Variants in ZNF804B observed in about 807,000 individuals in gnomAD.
The protein encoded by ZNF804B is zinc finger 804B.
ZNF804B carries 80 observed loss-of-function variants against 101.4 expected under a neutral mutation model. That is an observed-to-expected ratio of 0.79 (90% confidence interval 0.66 to 0.95). ZNF804B has a LOEUF of 0.95. Ranked by LOEUF, ZNF804B falls within the 40% of genes least tolerant of loss-of-function variation. The pLI is 0.00. For synonymous variants in ZNF804B, 622 were observed against 558.8 expected, an observed-to-expected ratio of 1.11 and a Z score of -1.59; for missense variants, 1,673 against 1,561.9, an observed-to-expected ratio of 1.07 and a Z score of -1.20.
In ZNF804B at chr7:89,190,352, C is replaced by T. The variant is rs530143125; in HGVS notation, c.109-27803C>T. ...CTCCGTCTTAAAAAAAAAAAAAAAG[C>T]AAGAAAACTAGAATTAAAATAGGGG... On this transcript the variant is annotated intron_variant, in intron 1 of 3. Transcript: ENST00000333190. Among the ~76,000 whole-genome samples the T allele has an allele frequency of 1.1e-3, 153 of 143,488 alleles. 1 individual carries two copies. The highest frequency in any genetic ancestry group is 1.0e-3 in the Non-Finnish European group (67 of 65,364). The allele number at this position is 143,488 out of a possible 152,430, so 94.1% of individuals were successfully genotyped here. A position where few individuals can be genotyped will look rare whatever the true frequency, so the allele number is the denominator to read the frequency against.
intron 1 of ZNF804B, among the ~76,000 whole-genome samples, chr7:89,173,942 T>C (rs769965904): frequency 1.3e-5 from 2 of 152,078 alleles, no homozygotes; most frequent in Non-Finnish European, 2.9e-5. Flanking sequence ...TTATTTATAT[T>C]TTTAATTTTT....
At chr7:89,084,680 T>C (rs556986152) in intron 1 of ZNF804B, among the ~76,000 whole-genome samples, 101 of 152,078 alleles carry the variant, frequency 6.6e-4, no homozygotes, top group Middle Eastern at 3.4e-3. Flanking sequence ...GATTTCTTAA[T>C]GTCTATAAAT....
intron 1 of ZNF804B, among the ~76,000 whole-genome samples, chr7:89,157,465 A>G (rs1298733701): frequency 6.6e-6 from 1 of 152,144 alleles, no homozygotes; most frequent in Non-Finnish European, 1.5e-5. Context: ...TACCAATATA[A>G]TGGCACATTA....
chr7:88,849,541 C>G (rs1201525765), intron 1 of ZNF804B, among the ~76,000 whole-genome samples: 1 of 151,300 alleles, frequency 6.6e-6, no homozygotes, highest in African/African-American at 2.4e-5. Flanking sequence ...ACTCTGTTGC[C>G]TAGACTGGAG....
chr7:88,898,191 A>G (rs1304199389), intron 1 of ZNF804B, among the ~76,000 whole-genome samples: 3 of 139,882 alleles, frequency 2.1e-5, no homozygotes, highest in Non-Finnish European at 4.5e-5. Flanking sequence ...GGTTCACGCC[A>G]TTCTCCTGCC....
intron 1 of ZNF804B, among the ~76,000 whole-genome samples, chr7:88,765,145 A>G (rs1789961658): frequency 6.6e-6 from 1 of 152,128 alleles, no homozygotes; most frequent in African/African-American, 2.4e-5. Context: ...TTTGAGCGCT[A>G]TAATTTTGGC....
At chr7:89,175,010 G>C (rs1033375971) in intron 1 of ZNF804B, among the ~76,000 whole-genome samples, 2 of 151,952 alleles carry the variant, frequency 1.3e-5, no homozygotes, top group African/African-American at 4.8e-5. Flanking sequence ...CAGATGGATA[G>C]TTTGCAAATA....
intron 2 of ZNF804B, among the ~76,000 whole-genome samples, chr7:89,298,214 GTGTATATATATATATATATATATATA>G (rs1389432762): frequency 8.2e-4 from 48 of 58,686 alleles, no homozygotes; most frequent in African/African-American, 2.9e-3. Context: ...GTGTGTGTGT[GTGTATATATATATATATATATATATA>G]TATATATATA....
At chr7:89,161,378 G>A (rs1202587310) in intron 1 of ZNF804B, among the ~76,000 whole-genome samples, 2 of 151,786 alleles carry the variant, frequency 1.3e-5, no homozygotes, top group African/African-American at 4.8e-5. Flanking sequence ...ATAGTCTACA[G>A]TTTTATATTA....
At chr7:89,013,988 G>A (rs995033548) in intron 1 of ZNF804B, among the ~76,000 whole-genome samples, 23 of 152,124 alleles carry the variant, frequency 1.5e-4, no homozygotes, top group African/African-American at 5.6e-4. Flanking sequence ...AAGTATCTTG[G>A]CATTATGAAT....
intron 1 of ZNF804B, among the ~76,000 whole-genome samples, chr7:89,001,684 A>C (rs1788291057): frequency 6.6e-6 from 1 of 151,952 alleles, no homozygotes; most frequent in African/African-American, 2.4e-5. Context: ...CACCATTATA[A>C]AACTGTATGA....
intron 1 of ZNF804B, among the ~76,000 whole-genome samples, chr7:88,951,515 C>A (rs947597153): frequency 2.0e-5 from 3 of 151,826 alleles, no homozygotes; most frequent in Non-Finnish European, 4.4e-5. Flanking sequence ...ATTGATTCTG[C>A]AATGATAGCA....
intron 1 of ZNF804B, among the ~76,000 whole-genome samples, chr7:89,158,663 T>C (rs1021577323): frequency 9.2e-5 from 14 of 152,172 alleles, no homozygotes; most frequent in African/African-American, 1.4e-4. Flanking sequence ...CTCATTAAAG[T>C]ATGTAAGTTA....
At chr7:89,071,176 A>T (rs547913819) in intron 1 of ZNF804B, among the ~76,000 whole-genome samples, 1 of 152,126 alleles carries the variant, frequency 6.6e-6, no homozygotes, top group Non-Finnish European at 1.5e-5. Flanking sequence ...TTCAATACAG[A>T]CACAATTGCC....
chr7:88,999,276 T>C (rs77241912), intron 1 of ZNF804B, among the ~76,000 whole-genome samples: 15,048 of 152,044 alleles, frequency 0.099, 803 homozygotes, highest in Non-Finnish European at 0.11. Flanking sequence ...TTTTATAATA[T>C]TGGTATTAAA....
At chr7:89,216,622 T>C (rs999502040) in intron 1 of ZNF804B, among the ~76,000 whole-genome samples, 9 of 152,230 alleles carry the variant, frequency 5.9e-5, no homozygotes, top group Non-Finnish European at 1.2e-4. Context: ...CTAGTTGTGC[T>C]GTTAGTTAAT....
chr7:89,213,803 CA>C (rs36006518), intron 1 of ZNF804B, among the ~76,000 whole-genome samples: 18,559 of 152,106 alleles, frequency 0.12, 1,210 homozygotes, highest in Middle Eastern at 0.25. Flanking sequence ...CCTTATTTTC[CA>C]TATCTTTAAA....
At chr7:88,978,467 T>C (rs1793648920) in intron 1 of ZNF804B, among the ~76,000 whole-genome samples, 1 of 151,794 alleles carries the variant, frequency 6.6e-6, no homozygotes, top group Admixed American at 6.6e-5. Flanking sequence ...CTTTGTTATT[T>C]CTTTATCTCT....
At chr7:89,107,494 A>G (rs549109553) in intron 1 of ZNF804B, among the ~76,000 whole-genome samples, 7 of 152,148 alleles carry the variant, frequency 4.6e-5, no homozygotes, top group African/African-American at 1.4e-4. Flanking sequence ...TTAGTGCCTT[A>G]GGAATTATCC....
Sources: allele counts gnomAD v4.1 joint callset (sites outside exome capture counted in the v4.1 genomes callset), GRCh38; gene constraint gnomAD v4.1.1; transcripts MANE v1.5; gene names NCBI Gene and HGNC (gene_info 2026-07-23, HGNC 2026-07-21).